The following CLIC6 variants were observed in gnomAD, a reference collection of about 807,000 sequenced individuals.
The protein encoded by CLIC6 is chloride intracellular channel protein 6.
CLIC6 carries 39 observed loss-of-function variants against 49.2 expected under a neutral mutation model. The ratio of observed to expected loss-of-function variants is 0.79; its 90% confidence interval spans 0.61 to 1.04. The LOEUF is 1.04. Ranked by LOEUF, CLIC6 falls within the 50% of genes least tolerant of loss-of-function variation. The pLI is 0.00. For missense variants in CLIC6, 988 were observed against 993.1 expected, an observed-to-expected ratio of 0.99 and a Z score of 0.07; for synonymous variants, 446 against 433.4, an observed-to-expected ratio of 1.03 and a Z score of -0.36.
intron 1 of CLIC6, among the ~76,000 whole-genome samples, chr21:34,673,248 A>G (rs1256448992): frequency 1.3e-5 from 2 of 151,974 alleles, no homozygotes; most frequent in East Asian, 3.9e-4. Context: ...TTTTTTCTTA[A>G]GGAAACAGAT....
At chr21:34,711,822 A>G (rs140026040) in intron 5 of CLIC6, among the ~76,000 whole-genome samples, 1,605 of 152,280 alleles carry the variant, frequency 0.011, 27 homozygotes, top group African/African-American at 0.036. Flanking sequence ...TAGCTTTGCC[A>G]GTCCACCAAT....
chr21:34,702,644 G>A (rs1016683464), intron 1 of CLIC6, among the ~76,000 whole-genome samples: 9 of 152,216 alleles, frequency 5.9e-5, no homozygotes, highest in Non-Finnish European at 8.8e-5. Context: ...TGGCTGTGTG[G>A]CTTGAAGGCC....
At chr21:34,703,609 T>C (rs1320451889) in intron 1 of CLIC6, among the ~76,000 whole-genome samples, 1 of 152,164 alleles carries the variant, frequency 6.6e-6, no homozygotes, top group African/African-American at 2.4e-5. Flanking sequence ...GCCTTTTTTC[T>C]AAATTTGGGT....
intron 1 of CLIC6, among the ~76,000 whole-genome samples, chr21:34,706,505 C>T (rs1293286470): frequency 6.6e-6 from 1 of 152,196 alleles, no homozygotes; most frequent in African/African-American, 2.4e-5. Context: ...AGACTTTTAT[C>T]ACTCACATAC....
chr21:34,682,152 T>C (rs1989789952), intron 1 of CLIC6, among the ~76,000 whole-genome samples: 2 of 152,330 alleles, frequency 1.3e-5, no homozygotes, highest in African/African-American at 4.8e-5. Flanking sequence ...TGCATAATAA[T>C]ATATGGGAGC....
At chr21:34,672,583 C>T (rs983993474) in intron 1 of CLIC6, among the ~76,000 whole-genome samples, 8 of 152,182 alleles carry the variant, frequency 5.3e-5, no homozygotes, top group Non-Finnish European at 1.2e-4. Context: ...TGCCCTCAGC[C>T]TGCTATGTCT....
In CLIC6 at chr21:34,700,019, G is replaced by T. The variant is rs2145812858; in HGVS notation, c.1375-7261G>T. The stretch of plus-strand genomic sequence containing the variant: ...TAAGCCGGCTGGAGCCACGTTGCCT[G>T]TTCCTTCACTGTACACGTGGTTGAT... On this transcript the variant is annotated intron_variant, in intron 1 of 5. Coordinates refer to ENST00000349499, the MANE Select transcript of CLIC6 (RefSeq NM_053277.3). Among the ~76,000 whole-genome samples the T allele has an allele frequency of 1.3e-5, 2 of 152,280 alleles. 1 individual carries two copies. Among genetic ancestry groups the T allele is most frequent in the South Asian group, 4.2e-4 (2 of 4,818 alleles).
Position 34,701,023 on chromosome 21 carries a change from G to A in CLIC6, c.1375-6257G>A, listed in dbSNP as rs1990177873. ...AAGTTTTTAATTTTCACTTGGAGTAGGTATAGGATGTGTTACTTTTTAGGA... is the reference window on the plus strand; with the variant it reads ...AAGTTTTTAATTTTCACTTGGAGTAAGTATAGGATGTGTTACTTTTTAGGA... On this transcript the variant is annotated intron_variant, in intron 1 of 5. Transcript: ENST00000349499. Among the ~76,000 whole-genome samples the A allele has an allele frequency of 1.4e-5, 2 of 139,058 alleles. 1 individual carries two copies. The highest frequency in any genetic ancestry group is 5.7e-5 in the African/African-American group (2 of 34,816). 91.2% of individuals were successfully genotyped at this position (139,058 alleles called of 152,430 possible). A position where few individuals can be genotyped will look rare whatever the true frequency, so the allele number is the denominator to read the frequency against.
intron 1 of CLIC6, among the ~76,000 whole-genome samples, chr21:34,699,420 T>A (rs1474095895): frequency 0.013 from 1,942 of 150,496 alleles, 55 homozygotes; most frequent in African/African-American, 0.045. Context: ...CCTGGCTTTT[T>A]TTTTTTTTTT....
intron 1 of CLIC6, among the ~76,000 whole-genome samples, chr21:34,706,819 T>C (rs895529458): frequency 2.6e-5 from 4 of 152,204 alleles, no homozygotes; most frequent in Non-Finnish European, 5.9e-5. Context: ...AGTATTCTAC[T>C]CTTGATAGTA....
At chr21:34,705,719 C>A (rs767879819) in intron 1 of CLIC6, among the ~76,000 whole-genome samples, 3 of 152,160 alleles carry the variant, frequency 2.0e-5, no homozygotes, top group Non-Finnish European at 4.4e-5. Flanking sequence ...GTTTATGGAG[C>A]TGTATTTATC....
chr21:34,672,181 G>A (rs1166071883), intron 1 of CLIC6, among the ~76,000 whole-genome samples: 3 of 152,198 alleles, frequency 2.0e-5, no homozygotes, highest in Non-Finnish European at 4.4e-5. Flanking sequence ...CCAGTGAGCT[G>A]CGGACAAGAT....
chr21:34,694,135 A>ATTTTTTTTTTTT lies in CLIC6; in HGVS notation c.1375-13139_1375-13128dup, dbSNP rs57210806. 5.6e-4 allele frequency among the ~76,000 whole-genome samples: 72 copies of ATTTTTTTTTTTT among 128,404 alleles called. 1 individual carries two copies. The highest frequency in any genetic ancestry group is 2.0e-3 in the African/African-American group (65 of 32,002). 84.2% of individuals were successfully genotyped at this position (128,404 alleles called of 152,430 possible). A position where few individuals can be genotyped will look rare whatever the true frequency, so the allele number is the denominator to read the frequency against. The stretch of plus-strand genomic sequence containing the variant: ...ACTACAGCACCACCACGCCTGGTTA[A>ATTTTTTTTTTTT]TTTTTTTTTTTTTTTTTGTATTTTT... On this transcript the variant is annotated intron_variant, in intron 1 of 5. Coordinates refer to ENST00000349499, the MANE Select transcript of CLIC6 (RefSeq NM_053277.3).
chr21:34,713,844 C>T (rs1370273311), intron 5 of CLIC6, among the ~76,000 whole-genome samples: 3 of 151,870 alleles, frequency 2.0e-5, no homozygotes, highest in Admixed American at 6.6e-5. Context: ...TAAAAAACAA[C>T]CCTTTTTGGC....
At chr21:34,693,996 G>A (rs1322501261) in intron 1 of CLIC6, among the ~76,000 whole-genome samples, 3 of 137,812 alleles carry the variant, frequency 2.2e-5, no homozygotes, top group Non-Finnish European at 3.1e-5. Flanking sequence ...TTTTTTTGAC[G>A]GAGTCTTGCT....
Position 34,670,526 on chromosome 21 carries a change from G to A in CLIC6, c.1138G>A (p.Gly380Arg), listed in dbSNP as rs1165313660. 3 of 1,494,844 alleles carry A rather than the reference G, an allele frequency of 2.0e-6. No individual in the cohort carries two copies. Among genetic ancestry groups the A allele is most frequent in the South Asian group, 1.3e-5 (1 of 75,604 alleles). 92.6% of individuals were successfully genotyped at this position (1,494,844 alleles called of 1,614,324 possible). A position where few individuals can be genotyped will look rare whatever the true frequency, so the allele number is the denominator to read the frequency against. Residue 380 changes from glycine (G) to arginine (R), a missense_variant, in exon 1 of 6, where the codon GGG (glycine) becomes AGG (arginine). Gly to Arg is a moderately radical substitution (Grantham distance 125, BLOSUM62 -2). Transcript: ENST00000349499. ...DEERRERSPEGPREEEAAGGE... is the reference protein window; with the variant it reads ...DEERRERSPERPREEEAAGGE... ...AGAGAGACGAGAGCGGAGCCCGGAG[G>A]GGCCAAGGGAGGAGGAAGCAGCGGG...
At position 34,672,964 on chromosome 21, in the gene CLIC6, A is replaced by G. The variant is rs1260689004; in HGVS notation, c.1374+2202A>G. ...CTATTGTTACATCTGTGCTGCTCGC[A>G]TAACTTGCACTGATTTTGCACAGAA... On this transcript the variant is annotated intron_variant, in intron 1 of 5. Coordinates refer to ENST00000349499, the MANE Select transcript of CLIC6 (RefSeq NM_053277.3). Among the ~76,000 whole-genome samples the G allele has an allele frequency of 6.6e-5, 10 of 152,366 alleles. No individual in the cohort carries two copies. The East Asian group carries it at 1.7e-3, about 26-fold the overall frequency.
rs186013554 is a variant in CLIC6, at chr21:34,707,330, C to T, written c.1425C>T (p.Leu475=). The change falls in exon 2 of 6, where the codon CTC becomes CTT. Residue 475 remains leucine (L), a synonymous_variant. Transcript: ENST00000349499. ...SIGNCPFSQR[L]FMILWLKGVI... ...GAAATTGCCCGTTTTCTCAGCGTCT[C>T]TTTATGATTCTCTGGCTGAAAGGCG... 5.4e-5 allele frequency: 87 copies of T among 1,614,126 alleles called. No individual in the cohort carries two copies. The highest frequency in any genetic ancestry group is 2.0e-4 in the Admixed American group (12 of 60,010).
At chr21:34,673,338 G>A (rs1280687121) in intron 1 of CLIC6, among the ~76,000 whole-genome samples, 1 of 152,042 alleles carries the variant, frequency 6.6e-6, no homozygotes, top group Non-Finnish European at 1.5e-5. Context: ...CACCCAGACA[G>A]GAGTGCAGTG....
Sources: gnomAD v4.1 joint callset for allele counts (sites outside exome capture counted in the v4.1 genomes callset) on GRCh38, gnomAD v4.1.1 for gene constraint, MANE v1.5 for transcripts, NCBI Gene and HGNC (gene_info 2026-07-23, HGNC 2026-07-21) for gene names.